Variants in FTO observed in about 807,000 individuals in gnomAD.
FTO encodes alpha-ketoglutarate-dependent dioxygenase FTO.
FTO carries 47 observed loss-of-function variants against 63.9 expected under a neutral mutation model. The observed-to-expected ratio is 0.74, with a 90% CI of 0.58 to 0.94. The LOEUF (loss-of-function observed/expected upper bound fraction) is 0.94. FTO is among the 40% of genes least tolerant of loss of function. The pLI, the probability that FTO is intolerant of heterozygous loss-of-function variation, is 0.00. For missense variants in FTO, 562 were observed against 618.1 expected, an observed-to-expected ratio of 0.91 and a Z score of 0.96; for synonymous variants, 207 against 224.4, an observed-to-expected ratio of 0.92 and a Z score of 0.69.
intron 8 of FTO, among the ~76,000 whole-genome samples, chr16:53,965,169 G>T (rs975077148): frequency 1.3e-5 from 2 of 152,058 alleles, no homozygotes; most frequent in Non-Finnish European, 2.9e-5. Flanking sequence ...CGCCTCCTGG[G>T]TTCAAGCGAT....
upstream of FTO, chr16:53,704,114 C>T: frequency 7.0e-7 from 1 of 1,421,976 alleles, no homozygotes; most frequent in Non-Finnish European, 9.7e-7. Flanking sequence ...GAGAGAACTA[C>T]ATGCAGGAGG....
chr16:53,952,241 G>A (rs916449522), intron 8 of FTO, among the ~76,000 whole-genome samples: 1 of 152,128 alleles, frequency 6.6e-6, no homozygotes, highest in Admixed American at 6.6e-5. Flanking sequence ...TTGAGCCCAG[G>A]CAGTCAGCTT....
At chr16:54,089,404 C>T (rs1234779309) in intron 8 of FTO, among the ~76,000 whole-genome samples, 4 of 152,156 alleles carry the variant, frequency 2.6e-5, no homozygotes, top group African/African-American at 9.7e-5. Context: ...CTGGATATCT[C>T]ATATTCCTTC....
chr16:54,024,174 G>A (rs1242340578), intron 8 of FTO, among the ~76,000 whole-genome samples: 1 of 152,082 alleles, frequency 6.6e-6, no homozygotes, highest in Non-Finnish European at 1.5e-5. Flanking sequence ...ATAAGTGTTT[G>A]TATGGCTTTT....
chr16:53,820,260 C>G (rs146888252), intron 2 of FTO, among the ~76,000 whole-genome samples: 1 of 151,950 alleles, frequency 6.6e-6, no homozygotes, highest in Non-Finnish European at 1.5e-5. Context: ...CCAGCTGCCT[C>G]GGCCTCCCAA....
At chr16:53,754,315 C>T (rs1033456842) in intron 1 of FTO, among the ~76,000 whole-genome samples, 2 of 152,160 alleles carry the variant, frequency 1.3e-5, no homozygotes, top group Admixed American at 1.3e-4. Flanking sequence ...AATTCCAGGT[C>T]CAGAACTTTT....
intron 8 of FTO, among the ~76,000 whole-genome samples, chr16:53,948,574 A>G (rs901488935): frequency 4.6e-5 from 7 of 152,250 alleles, no homozygotes; most frequent in Non-Finnish European, 8.8e-5. Context: ...TCAAGTGGGC[A>G]GCCAGGCAGC....
chr16:53,976,611 T>G (rs1428790385), intron 8 of FTO, among the ~76,000 whole-genome samples: 2 of 152,190 alleles, frequency 1.3e-5, no homozygotes, highest in African/African-American at 4.8e-5. Flanking sequence ...CATAAAAAAT[T>G]TTAAATCCTG....
At chr16:54,053,963 C>T (rs774918648) in intron 8 of FTO, among the ~76,000 whole-genome samples, 1 of 152,062 alleles carries the variant, frequency 6.6e-6, no homozygotes, top group Non-Finnish European at 1.5e-5. Flanking sequence ...CTCCTAGGTT[C>T]TCTTTTGGCT....
intron 1 of FTO, among the ~76,000 whole-genome samples, chr16:53,707,864 AT>A (rs1186337424): frequency 1.3e-5 from 2 of 152,150 alleles, no homozygotes; most frequent in Non-Finnish European, 2.9e-5. Context: ...CTTTGTATTC[AT>A]TTGCAGTTAT....
intron 8 of FTO, among the ~76,000 whole-genome samples, chr16:54,008,805 AAATAATAATAATAATAAT>A (rs142826263): frequency 0.058 from 8,138 of 140,914 alleles, 385 homozygotes; most frequent in African/African-American, 0.13. Flanking sequence ...CTGTCTCCAC[AAATAATAATAATAATAAT>A]AATAATAATA....
chr16:53,952,500 C>CA (rs1265667827), intron 8 of FTO, among the ~76,000 whole-genome samples: 1 of 151,614 alleles, frequency 6.6e-6, no homozygotes, highest in Non-Finnish European at 1.5e-5. Context: ...GTCAGTGGAG[C>CA]AAAAAAAATC....
chr16:53,946,314 G>A (rs1291370710), intron 8 of FTO, among the ~76,000 whole-genome samples: 6 of 152,202 alleles, frequency 3.9e-5, no homozygotes, highest in Non-Finnish European at 7.3e-5. Flanking sequence ...GTATCCATGC[G>A]TGAAAGAAAT....
At chr16:54,040,074 C>G (rs1479164832) in intron 8 of FTO, 1 of 152,174 alleles carries the variant, frequency 6.6e-6, no homozygotes. Flanking sequence ...CGATTCAAAT[C>G]AAAGTTCAAA....
intron 1 of FTO, among the ~76,000 whole-genome samples, chr16:53,766,922 C>T (rs116733646): frequency 6.6e-6 from 1 of 152,254 alleles, no homozygotes; most frequent in South Asian, 2.1e-4. Context: ...ATGACACACA[C>T]CATGAGCCAG....
At chr16:53,989,012 A>C (rs1044073623) in intron 8 of FTO, among the ~76,000 whole-genome samples, 1 of 152,272 alleles carries the variant, frequency 6.6e-6, no homozygotes, top group African/African-American at 2.4e-5. Flanking sequence ...CATGGTGCTC[A>C]TGGTACTCAC....
intron 7 of FTO, among the ~76,000 whole-genome samples, chr16:53,896,688 G>A (rs372343667): frequency 4.7e-4 from 71 of 152,262 alleles, no homozygotes; most frequent in African/African-American, 1.6e-3. Context: ...TTAAAAGGAA[G>A]CGTGGAGAGT....
intron 7 of FTO, among the ~76,000 whole-genome samples, chr16:53,907,360 C>T (rs2081565553): frequency 2.0e-5 from 3 of 152,128 alleles, no homozygotes; most frequent in African/African-American, 4.8e-5. Flanking sequence ...TTATTGAATA[C>T]AGTACACTGT....
At chr16:53,769,749 C>T (rs995118022) in intron 1 of FTO, among the ~76,000 whole-genome samples, 1 of 151,906 alleles carries the variant, frequency 6.6e-6, no homozygotes, top group African/African-American at 2.4e-5. Context: ...ATGGCTTAAA[C>T]ATAATAAAAT....
Sources: gnomAD v4.1 joint callset for allele counts (sites outside exome capture counted in the v4.1 genomes callset) on GRCh38, gnomAD v4.1.1 for gene constraint, MANE v1.5 for transcripts, NCBI Gene and HGNC (gene_info 2026-07-23, HGNC 2026-07-21) for gene names.